The following SCML4 variants were observed in gnomAD, a reference collection of about 807,000 sequenced individuals.
The protein encoded by SCML4 is sex comb on midleg-like protein 4.
In SCML4, 34 loss-of-function variants were observed where a neutral mutation model predicts 41.1. That is an observed-to-expected ratio of 0.83 (90% CI 0.63 to 1.10). The LOEUF (loss-of-function observed/expected upper bound fraction) is 1.10, where lower values mean the gene tolerates loss of function less well. Among genes scored for constraint, SCML4 ranks in the 50% least tolerant of loss-of-function variants. SCML4 has a pLI of 0.00. For synonymous variants in SCML4, 214 were observed against 220.9 expected (o/e 0.97, Z 0.28); for missense variants, 522 against 534.1 (o/e 0.98, Z 0.22).
chr6:107,790,378 T>C (rs527717842), intron 1 of SCML4, among the ~76,000 whole-genome samples: 5 of 152,236 alleles, frequency 3.3e-5, no homozygotes, highest in African/African-American at 9.6e-5. Flanking sequence ...AATGATACAA[T>C]TGAGGACTTC....
chr6:107,790,439 T>C (rs1562261627), intron 1 of SCML4, among the ~76,000 whole-genome samples: 1 of 152,030 alleles, frequency 6.6e-6, no homozygotes, highest in Non-Finnish European at 1.5e-5. Flanking sequence ...TAACAACACT[T>C]TTTTCCTGCT....
the SCML4 span, among the ~76,000 whole-genome samples, chr6:107,838,612 C>T: frequency 4.8e-3 from 735 of 152,276 alleles, 3 homozygotes; most frequent in African/African-American, 0.017. Context: ...CATTGATATT[C>T]CACGATATGC....
intron 5 of SCML4, among the ~76,000 whole-genome samples, chr6:107,725,628 AAAATGT>A (rs1775881549): frequency 6.6e-6 from 1 of 152,254 alleles, no homozygotes; most frequent in Non-Finnish European, 1.5e-5. Context: ...AAATGAATAA[AAAATGT>A]AAATGTAAGA....
At chr6:107,799,475 C>T (rs1782945298) in intron 1 of SCML4, among the ~76,000 whole-genome samples, 1 of 152,132 alleles carries the variant, frequency 6.6e-6, no homozygotes, top group African/African-American at 2.4e-5. Flanking sequence ...TCTCTTGTAG[C>T]CAACATAGTT....
rs577102546 is a variant in SCML4, at chr6:107,702,346, G to A, written c.*2854C>T. On this transcript the variant is annotated 3_prime_UTR_variant, in exon 8 of 8. Transcript: ENST00000369020. Reference sequence around the variant, plus strand: ...GACTTGAAATGAGAACATATCTCTCGCCTGAAAACTACTCAAGGGATCTCT... The same window carrying A: ...GACTTGAAATGAGAACATATCTCTCACCTGAAAACTACTCAAGGGATCTCT... Among the ~76,000 whole-genome samples, 13 of 152,300 alleles carry A rather than the reference G, an allele frequency of 8.5e-5. No homozygotes were observed. The highest frequency in any genetic ancestry group is 2.6e-4 in the African/African-American group (11 of 41,576).
At chr6:107,809,652 A>C (rs1784012389) in intron 1 of SCML4, among the ~76,000 whole-genome samples, 1 of 152,206 alleles carries the variant, frequency 6.6e-6, no homozygotes, top group South Asian at 2.1e-4. Context: ...ACCTTCAATG[A>C]AGACAGAATA....
At chr6:107,826,956 G>C (rs888617594), upstream of SCML4, among the ~76,000 whole-genome samples, 67 of 152,052 alleles carry the variant, frequency 4.4e-4, 1 homozygote, top group African/African-American at 1.5e-3. Context: ...CCAGCTACTT[G>C]GGAGGCTGAG....
At chr6:107,738,810 G>A (rs1441590881) in intron 5 of SCML4, among the ~76,000 whole-genome samples, 1 of 152,082 alleles carries the variant, frequency 6.6e-6, no homozygotes, top group Non-Finnish European at 1.5e-5. Context: ...GTACAGGGCT[G>A]TTCTCTGCCA....
intron 1 of SCML4, among the ~76,000 whole-genome samples, chr6:107,808,442 G>GT (rs571559675): frequency 1.3e-5 from 2 of 152,004 alleles, no homozygotes; most frequent in East Asian, 3.9e-4. Context: ...TTTTGTTTTT[G>GT]TTTTTTCCTG....
chr6:107,837,429 G>T, the SCML4 span, among the ~76,000 whole-genome samples: 1 of 152,224 alleles, frequency 6.6e-6, no homozygotes, highest in Non-Finnish European at 1.5e-5. Flanking sequence ...ATGCATGAAA[G>T]TTAGTAGGCC....
chr6:107,732,233 T>C (rs1209215554), intron 5 of SCML4: 2 of 152,250 alleles, frequency 1.3e-5, no homozygotes, highest in African/African-American at 4.8e-5. Context: ...AGTTTTCCCT[T>C]AGGGCCCTCT....
the SCML4 span, among the ~76,000 whole-genome samples, chr6:107,829,731 T>G: frequency 6.6e-6 from 1 of 151,990 alleles, no homozygotes; most frequent in Non-Finnish European, 1.5e-5. Flanking sequence ...TCTGCACATG[T>G]ATCCCAGAGC....
Position 107,743,578 on chromosome 6 carries a change from G to T in SCML4, c.682+1371C>A, listed in dbSNP as rs117087083. Among the ~76,000 whole-genome samples the T allele has an allele frequency of 4.3e-3, 649 of 152,304 alleles. 10 individuals carry two copies. In the East Asian group the frequency reaches 0.063, roughly 15 times the overall value. On this transcript the variant is annotated intron_variant, in intron 5 of 7. Coordinates refer to ENST00000369020, the MANE Select transcript of SCML4 (RefSeq NM_198081.5). ...CATAGACTGTTGGAACCAGAAGAACGTGCTGTATCAGCAACTCCAACCTGT... is the reference window on the plus strand; with the variant it reads ...CATAGACTGTTGGAACCAGAAGAACTTGCTGTATCAGCAACTCCAACCTGT...
At chr6:107,727,251 GT>G (rs1259777453) in intron 5 of SCML4, among the ~76,000 whole-genome samples, 2 of 151,976 alleles carry the variant, frequency 1.3e-5, no homozygotes, top group Non-Finnish European at 2.9e-5. Flanking sequence ...AGGGATTGGG[GT>G]TGGGGTGTGG....
intron 1 of SCML4, among the ~76,000 whole-genome samples, chr6:107,784,733 C>A (rs1397180649): frequency 1.3e-5 from 2 of 152,230 alleles, no homozygotes; most frequent in Non-Finnish European, 2.9e-5. Flanking sequence ...CAGCCAGGGC[C>A]AGCTGCCCTA....
chr6:107,729,816 C>T (rs1370108329), intron 5 of SCML4, among the ~76,000 whole-genome samples: 9 of 152,200 alleles, frequency 5.9e-5, no homozygotes. Context: ...CTAGCCCCAA[C>T]CTATCTCTTC....
intron 1 of SCML4, among the ~76,000 whole-genome samples, chr6:107,774,384 G>GATAAGCTCATAAAGTCATCAGTTAGGAT (rs1174691432): frequency 2.6e-4 from 40 of 151,776 alleles, no homozygotes; most frequent in Non-Finnish European, 5.0e-4. Context: ...TTAGGATGAG[G>GATAAGCTCATAAAGTCATCAGTTAGGAT]GACTATAAGC....
chr6:107,749,809 T>C lies in SCML4; in HGVS notation c.161A>G (p.Lys54Arg). Residue 54 changes from lysine to arginine, a missense_variant, in exon 3 of 8, where the codon AAG becomes AGG. By Grantham distance (26) the Lys-to-Arg change is conservative. Coordinates refer to ENST00000369020, the MANE Select transcript of SCML4 (RefSeq NM_198081.5). ...KRGRKPGYKIKSRVLMTPLAL... is the reference protein window; with the variant it reads ...KRGRKPGYKIRSRVLMTPLAL... ...TAAGGGAGTCATGAGAACCCGAGACTTGATCTGGAAGAGAGAGCCCATTTG... is the reference window on the plus strand; with the variant it reads ...TAAGGGAGTCATGAGAACCCGAGACCTGATCTGGAAGAGAGAGCCCATTTG... 6.2e-7 allele frequency: 1 copy of C among 1,614,068 alleles called. No homozygotes were observed. Among genetic ancestry groups the C allele is most frequent in the African/African-American group, 1.3e-5 (1 of 75,008 alleles).
At chr6:107,716,551 C>T (rs190695052) in intron 6 of SCML4, among the ~76,000 whole-genome samples, 4 of 152,176 alleles carry the variant, frequency 2.6e-5, no homozygotes, top group Admixed American at 6.5e-5. Flanking sequence ...TTTGCCAGGG[C>T]TGTGGGGGGT....
Sources: allele counts gnomAD v4.1 joint callset (sites outside exome capture counted in the v4.1 genomes callset), GRCh38; gene constraint gnomAD v4.1.1; transcripts MANE v1.5; gene names NCBI Gene and HGNC (gene_info 2026-07-23, HGNC 2026-07-21).